CAST: variants seen among roughly 807,000 people sequenced by gnomAD.
CAST encodes calpastatin, also known as MIR583 host.
CAST carries 76 observed loss-of-function variants against 119.6 expected under a neutral mutation model. The observed-to-expected ratio is 0.64, with a 90% CI of 0.53 to 0.77. CAST has a LOEUF of 0.77. Among genes scored for constraint, CAST ranks in the 30% least tolerant of loss-of-function variants. The pLI is 0.00. For synonymous variants in CAST, 319 were observed against 331.6 expected, an observed-to-expected ratio of 0.96 and a Z score of 0.41; for missense variants, 953 against 946.5, an observed-to-expected ratio of 1.01 and a Z score of -0.09.
chr5:96,492,633 C>A, the CAST span, among the ~76,000 whole-genome samples: 1 of 152,126 alleles, frequency 6.6e-6, no homozygotes, highest in Non-Finnish European at 1.5e-5. Context: ...TAAATATGAT[C>A]GGGATTTCCT....
chr5:96,266,242 C>T, the CAST span, among the ~76,000 whole-genome samples: 2 of 152,092 alleles, frequency 1.3e-5, no homozygotes, highest in Non-Finnish European at 2.9e-5. Context: ...CCTAATCTGG[C>T]AACAAGAGTG....
upstream of CAST, among the ~76,000 whole-genome samples, chr5:96,657,150 T>C (rs1040058379): frequency 6.6e-6 from 1 of 152,226 alleles, no homozygotes; most frequent in Non-Finnish European, 1.5e-5. Flanking sequence ...AGAGGTGACC[T>C]TAGGCGTACC....
the CAST span, among the ~76,000 whole-genome samples, chr5:96,137,465 GA>G: frequency 1.3e-5 from 2 of 152,082 alleles, no homozygotes; most frequent in South Asian, 4.2e-4. Context: ...TACAACTTCT[GA>G]AAACATTCAT....
the CAST span, among the ~76,000 whole-genome samples, chr5:96,458,936 A>G: frequency 3.3e-5 from 5 of 152,238 alleles, no homozygotes; most frequent in East Asian, 5.8e-4. Flanking sequence ...ATTGCTTTTA[A>G]TTATTGATTA....
chr5:96,502,715 A>T, the CAST span, among the ~76,000 whole-genome samples: 1 of 146,700 alleles, frequency 6.8e-6, no homozygotes, highest in East Asian at 2.0e-4. Context: ...GTGAGGTGGG[A>T]GTTTATGTTT....
chr5:96,016,240 C>G, the CAST span, among the ~76,000 whole-genome samples: 2 of 152,204 alleles, frequency 1.3e-5, no homozygotes, highest in Admixed American at 6.5e-5. Flanking sequence ...TAACACAGAT[C>G]CCCTAGTAGT....
At chr5:96,564,833 C>G (rs1268373039) in intron 1 of CAST, among the ~76,000 whole-genome samples, 1 of 152,106 alleles carries the variant, frequency 6.6e-6, no homozygotes, top group African/African-American at 2.4e-5. Flanking sequence ...ATCACTTGAG[C>G]CTGAGGTTGA....
intron 1 of CAST, among the ~76,000 whole-genome samples, chr5:96,638,824 A>C (rs1370168984): frequency 6.6e-6 from 1 of 152,214 alleles, no homozygotes; most frequent in Non-Finnish European, 1.5e-5. Context: ...TCCTTTCTAA[A>C]TGAAACACAA....
chr5:96,517,285 C>A, the CAST span, among the ~76,000 whole-genome samples: 3 of 152,188 alleles, frequency 2.0e-5, no homozygotes, highest in Non-Finnish European at 2.9e-5. Flanking sequence ...AAGACATGAC[C>A]TAAATATTAT....
the CAST span, among the ~76,000 whole-genome samples, chr5:96,225,412 GC>G: frequency 1.3e-5 from 2 of 152,048 alleles, no homozygotes; most frequent in Admixed American, 6.6e-5. Context: ...GGATATAACA[GC>G]TGGAATTATA....
the CAST span, among the ~76,000 whole-genome samples, chr5:96,141,452 C>T: frequency 6.6e-6 from 1 of 152,188 alleles, no homozygotes. Context: ...GCTAAAAGTT[C>T]ATCCTTTCCC....
chr5:96,696,801 A>C (rs781704813), intron 3 of CAST, among the ~76,000 whole-genome samples: 7 of 152,014 alleles, frequency 4.6e-5, no homozygotes, highest in African/African-American at 7.2e-5. Context: ...GGCTGCAGTG[A>C]GCTGTGACAG....
chr5:96,555,368 G>A (rs1002728799), intron 1 of CAST, among the ~76,000 whole-genome samples: 6 of 152,058 alleles, frequency 3.9e-5, no homozygotes, highest in African/African-American at 9.7e-5. Context: ...GGGAGTGTCA[G>A]ACAGTGGGTG....
chr5:96,194,521 AG>A, the CAST span, among the ~76,000 whole-genome samples: 14 of 152,226 alleles, frequency 9.2e-5, no homozygotes, highest in African/African-American at 3.4e-4. Context: ...CCCAGATTTC[AG>A]TCTTCAAGGA....
At chr5:96,227,652 C>T in the CAST span, among the ~76,000 whole-genome samples, 1 of 152,150 alleles carries the variant, frequency 6.6e-6, no homozygotes, top group Admixed American at 6.5e-5. Flanking sequence ...AAACAGAAGT[C>T]TCTTTAAAAG....
the CAST span, among the ~76,000 whole-genome samples, chr5:96,063,637 GAC>G: frequency 1.3e-5 from 2 of 152,154 alleles, no homozygotes; most frequent in Non-Finnish European, 2.9e-5. Flanking sequence ...TTTACACGCA[GAC>G]ACACAATGGT....
chr5:96,371,161 A>G, the CAST span, among the ~76,000 whole-genome samples: 4 of 152,224 alleles, frequency 2.6e-5, no homozygotes, highest in African/African-American at 9.6e-5. Flanking sequence ...CATCTGTAGC[A>G]TGGAACTAAG....
intron 8 of CAST, 52 bp from the exon 9 acceptor site, chr5:96,730,728 T>C (rs1235829179): frequency 3.1e-6 from 4 of 1,273,000 alleles, no homozygotes; most frequent in Admixed American, 3.4e-5. Flanking sequence ...ATCTTGATAA[T>C]AGCCATGCAG....
chr5:95,983,936 G>A, the CAST span, among the ~76,000 whole-genome samples: 1 of 152,106 alleles, frequency 6.6e-6, no homozygotes, highest in South Asian at 2.1e-4. Context: ...GAATAGATTT[G>A]GAGGGGTAAA....
Sources: allele counts gnomAD v4.1 joint callset (sites outside exome capture counted in the v4.1 genomes callset), GRCh38; gene constraint gnomAD v4.1.1; transcripts MANE v1.5; gene names NCBI Gene and HGNC (gene_info 2026-07-23, HGNC 2026-07-21).